The following NRXN3 variants were observed in gnomAD, a reference collection of about 807,000 sequenced individuals.
The protein encoded by NRXN3 is neurexin 3.
In NRXN3, 32 loss-of-function variants were observed where a neutral mutation model predicts 137.6. That is an observed-to-expected ratio of 0.23 (90% confidence interval 0.18 to 0.31). NRXN3 has a LOEUF of 0.31. NRXN3 is among the 10% of genes least tolerant of loss of function. The pLI is 1.00. For missense variants in NRXN3, 1,574 were observed against 2,062.5 expected (o/e 0.76, Z 4.59); for synonymous variants, 798 against 784.5 (o/e 1.02, Z -0.29).
chr14:79,425,555 C>A (rs1198183220), intron 15 of NRXN3, among the ~76,000 whole-genome samples: 1 of 152,098 alleles, frequency 6.6e-6, no homozygotes, highest in African/African-American at 2.4e-5. Flanking sequence ...ATATTATTTT[C>A]TTTAATTTTC....
chr14:78,682,508 T>A lies in NRXN3; in HGVS notation c.1222-26709T>A, dbSNP rs140782323. Among the ~76,000 whole-genome samples the A allele has an allele frequency of 5.5e-3, 833 of 152,216 alleles. 7 individuals carry two copies. The highest frequency in any genetic ancestry group is 0.019 in the African/African-American group (780 of 41,532). On this transcript the variant is annotated intron_variant, in intron 6 of 20. Transcript: ENST00000335750. ...GTTAAGGCAGCTGCCTGTACCGTTG[T>A]GGAATCACTTCAGCTACTGTCTAGT...
intron 4 of NRXN3, among the ~76,000 whole-genome samples, chr14:78,566,938 C>G (rs1010578578): frequency 3.3e-5 from 5 of 152,150 alleles, no homozygotes; most frequent in African/African-American, 9.7e-5. Context: ...ACTTTGGAAT[C>G]TATTAGGGAA....
chr14:79,780,942 A>G (rs1288892101), intron 19 of NRXN3, among the ~76,000 whole-genome samples: 2 of 152,152 alleles, frequency 1.3e-5, no homozygotes, highest in African/African-American at 4.8e-5. Context: ...TGTGGAAAAA[A>G]TATTTCTTTT....
chr14:78,959,434 T>C (rs1312688730), intron 11 of NRXN3, among the ~76,000 whole-genome samples: 2 of 152,152 alleles, frequency 1.3e-5, no homozygotes, highest in African/African-American at 4.8e-5. Context: ...GAAAATAATT[T>C]ATCTTACAAT....
At chr14:79,104,966 G>T (rs1229092960) in intron 15 of NRXN3, among the ~76,000 whole-genome samples, 3 of 151,892 alleles carry the variant, frequency 2.0e-5, no homozygotes, top group African/African-American at 7.3e-5. Flanking sequence ...ATAATAATTC[G>T]GCAGTTTTCA....
At chr14:78,945,145 G>A (rs1423947474) in intron 10 of NRXN3, among the ~76,000 whole-genome samples, 1 of 152,106 alleles carries the variant, frequency 6.6e-6, no homozygotes, top group East Asian at 1.9e-4. Context: ...GAACCAGATC[G>A]CTTCCAAACT....
intron 16 of NRXN3, among the ~76,000 whole-genome samples, chr14:79,660,723 T>G (rs1353852740): frequency 1.3e-5 from 2 of 152,102 alleles, no homozygotes; most frequent in African/African-American, 4.8e-5. Flanking sequence ...CCATGATTAA[T>G]TAGTGACTTA....
At chr14:79,293,266 A>G (rs1806890626) in intron 15 of NRXN3, among the ~76,000 whole-genome samples, 2 of 152,174 alleles carry the variant, frequency 1.3e-5, no homozygotes, top group Admixed American at 6.5e-5. Context: ...CAACCTCATC[A>G]CCAAGTTCTC....
chr14:79,628,373 G>A (rs536748696), intron 16 of NRXN3, among the ~76,000 whole-genome samples: 1 of 152,280 alleles, frequency 6.6e-6, no homozygotes, highest in South Asian at 2.1e-4. Context: ...CATTTTTAAA[G>A]TATTTACTTT....
At chr14:78,962,416 T>C (rs8009441) in intron 11 of NRXN3, among the ~76,000 whole-genome samples, 2,153 of 152,264 alleles carry the variant, frequency 0.014, 50 homozygotes, top group African/African-American at 0.049. Context: ...CTCTTTCCCC[T>C]GAAGTTTGAA....
intron 3 of NRXN3, among the ~76,000 whole-genome samples, chr14:78,284,305 C>T (rs548032785): frequency 6.6e-6 from 1 of 152,214 alleles, no homozygotes; most frequent in East Asian, 1.9e-4. Context: ...GACGTGGAAG[C>T]CCCCTCCTCT....
intron 4 of NRXN3, among the ~76,000 whole-genome samples, chr14:78,379,148 A>G (rs555878322): frequency 2.8e-4 from 43 of 152,272 alleles, no homozygotes; most frequent in African/African-American, 9.9e-4. Flanking sequence ...CACAAAAGAA[A>G]CTTCTAGGCC....
At chr14:79,131,398 A>T (rs541649683) in intron 15 of NRXN3, among the ~76,000 whole-genome samples, 48 of 152,104 alleles carry the variant, frequency 3.2e-4, no homozygotes, top group African/African-American at 1.2e-3. Context: ...CTTCTAACAG[A>T]CAGGACCCTC....
chr14:79,370,283 A>T (rs2094050060), intron 15 of NRXN3, among the ~76,000 whole-genome samples: 1 of 149,640 alleles, frequency 6.7e-6, no homozygotes, highest in South Asian at 2.1e-4. Context: ...GCTAAAGTTT[A>T]TCGGGTTTTT....
intron 6 of NRXN3, among the ~76,000 whole-genome samples, chr14:78,698,886 C>T (rs904863108): frequency 6.6e-6 from 1 of 152,044 alleles, no homozygotes; most frequent in Admixed American, 6.6e-5. Flanking sequence ...ACCTTTTCAT[C>T]TCATTACTTA....
intron 16 of NRXN3, among the ~76,000 whole-genome samples, chr14:79,552,517 C>A (rs560216366): frequency 2.0e-5 from 3 of 152,010 alleles, no homozygotes; most frequent in African/African-American, 7.2e-5. Flanking sequence ...GGAGAGAAGG[C>A]GTACAAATTT....
chr14:79,525,129 A>C (rs1283745923), intron 16 of NRXN3, among the ~76,000 whole-genome samples: 2 of 152,152 alleles, frequency 1.3e-5, no homozygotes, highest in African/African-American at 4.8e-5. Flanking sequence ...GAGGGATCCT[A>C]GTTTCTATGG....
At chr14:79,469,788 G>A (rs995576284) in intron 16 of NRXN3, among the ~76,000 whole-genome samples, 3 of 152,094 alleles carry the variant, frequency 2.0e-5, no homozygotes, top group African/African-American at 7.2e-5. Context: ...TGGCCCTCTC[G>A]AGCACCAGGC....
chr14:78,879,151 A>T (rs963760364), intron 10 of NRXN3, among the ~76,000 whole-genome samples: 2 of 152,364 alleles, frequency 1.3e-5, no homozygotes, highest in South Asian at 2.1e-4. Flanking sequence ...AGCCAAGGTG[A>T]ATAATGCTGC....
Sources: gnomAD v4.1 joint callset for allele counts (sites outside exome capture counted in the v4.1 genomes callset) on GRCh38, gnomAD v4.1.1 for gene constraint, MANE v1.5 for transcripts, NCBI Gene and HGNC (gene_info 2026-07-23, HGNC 2026-07-21) for gene names.